Variants in ROBO1 observed in about 807,000 individuals in gnomAD.
ROBO1 encodes the protein roundabout guidance receptor 1, also known as roundabout homolog 1.
In ROBO1, 149 loss-of-function variants were observed where a neutral mutation model predicts 195.9. That is an observed-to-expected ratio of 0.76 (90% CI 0.67 to 0.87). The LOEUF (loss-of-function observed/expected upper bound fraction) is 0.87, where lower values mean the gene tolerates loss of function less well. Among genes scored for constraint, ROBO1 ranks in the 40% least tolerant of loss-of-function variants. The probability of loss-of-function intolerance (pLI) is 0.00; values close to 1 mark genes in which losing one functional copy is unlikely to be tolerated. For missense variants in ROBO1, 1,933 were observed against 2,068.3 expected, an observed-to-expected ratio of 0.93 and a Z score of 1.27; for synonymous variants, 816 against 733.2, an observed-to-expected ratio of 1.11 and a Z score of -1.82.
At chr3:79,005,276 T>A (rs1169621636) in intron 3 of ROBO1, among the ~76,000 whole-genome samples, 1 of 152,210 alleles carries the variant, frequency 6.6e-6, no homozygotes, top group Non-Finnish European at 1.5e-5. Flanking sequence ...TCTTCATGCC[T>A]GTGAGCGTCT....
intron 2 of ROBO1, among the ~76,000 whole-genome samples, chr3:79,149,346 C>T (rs1576739397): frequency 6.6e-6 from 1 of 151,720 alleles, no homozygotes; most frequent in East Asian, 1.9e-4. Context: ...CTTAGAATTT[C>T]TATCTCTCTG....
chr3:78,868,506 T>G (rs2035323758), intron 4 of ROBO1, among the ~76,000 whole-genome samples: 1 of 152,198 alleles, frequency 6.6e-6, no homozygotes, highest in Admixed American at 6.5e-5. Context: ...GCTTTTAATA[T>G]ACACAGAAGA....
chr3:79,234,249 A>G (rs2082370596), intron 2 of ROBO1, among the ~76,000 whole-genome samples: 1 of 152,082 alleles, frequency 6.6e-6, no homozygotes, highest in African/African-American at 2.4e-5. Flanking sequence ...CTTAGCCATA[A>G]ATTCTATCCT....
chr3:79,193,625 G>C (rs80144881), intron 2 of ROBO1, among the ~76,000 whole-genome samples: 12,447 of 135,408 alleles, frequency 0.092, 1,013 homozygotes, highest in African/African-American at 0.22. Context: ...AGTAGAAATC[G>C]GTCAGTAAGT....
At chr3:78,872,348 C>A (rs1325352252) in intron 4 of ROBO1, among the ~76,000 whole-genome samples, 1 of 152,198 alleles carries the variant, frequency 6.6e-6, no homozygotes, top group Non-Finnish European at 1.5e-5. Flanking sequence ...TGACTCCCAG[C>A]TACGCTGAGT....
chr3:78,809,760 T>TGA (rs1454333074), intron 4 of ROBO1, among the ~76,000 whole-genome samples: 1 of 152,170 alleles, frequency 6.6e-6, no homozygotes, highest in Non-Finnish European at 1.5e-5. Context: ...AAACACTGCA[T>TGA]GTTCTCACTC....
intron 1 of ROBO1, among the ~76,000 whole-genome samples, chr3:79,687,430 A>G (rs1947153549): frequency 6.6e-6 from 1 of 152,212 alleles, no homozygotes. Context: ...ATCAGAGTGA[A>G]CAGGCAACCT....
intron 2 of ROBO1, among the ~76,000 whole-genome samples, chr3:79,546,849 C>A (rs1318994558): frequency 1.3e-5 from 2 of 152,114 alleles, no homozygotes; most frequent in Non-Finnish European, 2.9e-5. Context: ...GAATACTTAG[C>A]TATCTGTAAT....
rs181488116 is a variant in ROBO1 at position 79,299,181 on chromosome 3, A to G, written c.89-173642T>C. Among the ~76,000 whole-genome samples the G allele has an allele frequency of 6.2e-4, 95 of 152,312 alleles. No individual in the cohort carries two copies. The East Asian group carries it at 0.013, about 20-fold the overall frequency. ...ATGAAAAATGCCTAACATGAGGTATATTGAAGTTTACATCGCATTTAGCAT... is the reference window on the plus strand; with the variant it reads ...ATGAAAAATGCCTAACATGAGGTATGTTGAAGTTTACATCGCATTTAGCAT... On this transcript the variant is annotated intron_variant, in intron 2 of 30. Transcript: ENST00000464233.
chr3:79,412,775 C>T (rs9844594), intron 2 of ROBO1, among the ~76,000 whole-genome samples: 8,358 of 150,276 alleles, frequency 0.056, 765 homozygotes, highest in African/African-American at 0.19. Context: ...CAAGGATCAT[C>T]TGCAATGCAT....
At chr3:78,801,007 T>A (rs918451480) in intron 4 of ROBO1, among the ~76,000 whole-genome samples, 1 of 152,296 alleles carries the variant, frequency 6.6e-6, no homozygotes, top group Non-Finnish European at 1.5e-5. Flanking sequence ...TCCACACCAC[T>A]TCAGGTGGCA....
At position 79,243,520 on chromosome 3, in the gene ROBO1, A is replaced by G. The variant is rs371260762; in HGVS notation, c.89-117981T>C. Among the ~76,000 whole-genome samples, 52 of 151,872 alleles carry G rather than the reference A, an allele frequency of 3.4e-4. 1 individual carries two copies. In the Middle Eastern group the frequency reaches 0.01, roughly 30 times the overall value. On this transcript the variant is annotated intron_variant, in intron 2 of 30. Transcript: ENST00000464233. ...GTTGTTTCCTGACTTTTTAATGATC[A>G]CCATTCTAACTGGTGTGAGATGGTA...
intron 3 of ROBO1, among the ~76,000 whole-genome samples, chr3:78,995,780 GA>G (rs971522226): frequency 3.4e-5 from 5 of 148,016 alleles, no homozygotes; most frequent in African/African-American, 9.9e-5. Flanking sequence ...AAAAAAAAAA[GA>G]AAAAAAGAAA....
At position 79,461,175 on chromosome 3, in the gene ROBO1, C is replaced by T. The variant is rs186562778; in HGVS notation, c.88+128649G>A. ...AAAAGTCTGTCTTATTGGCAATTAT[C>T]GAATCATAATTTGGTGGACTCATAG... On this transcript the variant is annotated intron_variant, in intron 2 of 30. Coordinates refer to ENST00000464233, the MANE Select transcript of ROBO1 (RefSeq NM_002941.4). Among the ~76,000 whole-genome samples, 14 of 152,106 alleles carry T rather than the reference C, an allele frequency of 9.2e-5. No individual in the cohort carries two copies. In the East Asian group the frequency reaches 1.2e-3, roughly 13 times the overall value.
In ROBO1 at chr3:78,598,692, C is replaced by A; in HGVS notation, c.*221G>T. 1 of 381,002 alleles carries A rather than the reference C, an allele frequency of 2.6e-6. No homozygotes were observed. Among genetic ancestry groups the A allele is most frequent in the Non-Finnish European group, 4.7e-6 (1 of 212,992 alleles). The allele number at this position is 381,002 out of a possible 1,614,324, so 23.6% of individuals were successfully genotyped here. A position where few individuals can be genotyped will look rare whatever the true frequency, so the allele number is the denominator to read the frequency against. On this transcript the variant is annotated 3_prime_UTR_variant, in exon 31 of 31. Transcript: ENST00000464233. ...AGTAAGGTATAATGGTTTGCTCCAA[C>A]AGCGAGGGGAATAGGAAGGCTCTTT...
intron 4 of ROBO1, among the ~76,000 whole-genome samples, chr3:78,902,509 T>C (rs928483093): frequency 1.2e-4 from 18 of 152,118 alleles, no homozygotes. Flanking sequence ...TCATAAAATG[T>C]TCATTTTGTG....
At chr3:79,756,537 C>G (rs112808271) in intron 1 of ROBO1, among the ~76,000 whole-genome samples, 1 of 114,780 alleles carries the variant, frequency 8.7e-6, no homozygotes. Flanking sequence ...GCAAAATGAG[C>G]GAAGCACCAT....
At chr3:78,619,743 C>T (rs890008349) in intron 26 of ROBO1, among the ~76,000 whole-genome samples, 14 of 152,106 alleles carry the variant, frequency 9.2e-5, no homozygotes, top group Non-Finnish European at 1.8e-4. Context: ...AATGACTGGG[C>T]GTGGTGGCTC....
intron 4 of ROBO1, among the ~76,000 whole-genome samples, chr3:78,818,174 C>T (rs2030356612): frequency 6.6e-6 from 1 of 152,120 alleles, no homozygotes; most frequent in Admixed American, 6.5e-5. Context: ...AGTAGAGGGC[C>T]TTAGGCAGGG....
Sources: gnomAD v4.1 joint callset for allele counts (sites outside exome capture counted in the v4.1 genomes callset) on GRCh38, gnomAD v4.1.1 for gene constraint, MANE v1.5 for transcripts, NCBI Gene and HGNC (gene_info 2026-07-23, HGNC 2026-07-21) for gene names.